MICAL3: variants seen among roughly 807,000 people sequenced by gnomAD.
MICAL3 encodes the protein [F-actin]-monooxygenase MICAL3.
MICAL3 carries 62 observed loss-of-function variants against 207.4 expected under a neutral mutation model. The ratio of observed to expected loss-of-function variants is 0.30; its 90% CI spans 0.24 to 0.37. MICAL3 has a LOEUF of 0.37. Among genes scored for constraint, MICAL3 ranks in the 10% least tolerant of loss-of-function variants. The pLI is 1.00. For synonymous variants in MICAL3, 1,077 were observed against 1,069.3 expected (o/e 1.01, Z -0.14); for missense variants, 2,368 against 2,635.6 (o/e 0.90, Z 2.22).
intron 1 of MICAL3, among the ~76,000 whole-genome samples, chr22:17,985,218 G>A (rs1190924623): frequency 6.6e-6 from 1 of 151,550 alleles, no homozygotes; most frequent in East Asian, 1.9e-4. Flanking sequence ...AGGAAGGTCC[G>A]GCCAGGGAGG....
rs2068524531 is a variant in MICAL3, at chr22:17,879,602, A to AC, written c.2241+6275dup. ...GGCCGACTTTCTGCACAGCCATTCC[A>AC]CCCCCCACTGGCCTCCGACGAGGCC... On this transcript the variant is annotated intron_variant, in intron 16 of 31. Transcript: ENST00000441493. 2.7e-5 allele frequency among the ~76,000 whole-genome samples: 4 copies of AC among 150,810 alleles called. No homozygotes were observed. In the South Asian group the frequency reaches 8.5e-4, roughly 32 times the overall value.
At chr22:17,863,101 C>A in intron 19 of MICAL3, 1 of 985,390 alleles carries the variant, frequency 1.0e-6, no homozygotes, top group Non-Finnish European at 1.2e-6. Context: ...AAGCGTAATT[C>A]TTTAGAACTC....
In MICAL3 at chr22:17,891,584, G is replaced by A. The variant is rs1387404142; in HGVS notation, c.1595C>T (p.Thr532Ile). The A allele has an allele frequency of 6.2e-7, 1 of 1,613,960 alleles. No individual in the cohort carries two copies. Among genetic ancestry groups the A allele is most frequent in the South Asian group, 1.1e-5 (1 of 91,076 alleles). Residue 532 changes from threonine to isoleucine, a missense_variant, in exon 12 of 32, where the codon ACA becomes ATA. By Grantham distance (89) the Thr-to-Ile change is moderately conservative (BLOSUM62 -1). Around this residue, in one of 4 missense-constraint regions of MICAL3, gnomAD observed 147 missense variants for 137.7 expected, o/e 1.07. Coordinates refer to ENST00000441493, the MANE Select transcript of MICAL3 (RefSeq NM_015241.3). ...SKLLGWCQRQ[T>I]DGYAGVNVTD... is the part of the protein sequence containing the mutation. Reference sequence around the variant, plus strand: ...CACGTTTACCCCTGCATAGCCATCTGTCTGCCTCTGGCACCAACCCAGCAG... The same window carrying A: ...CACGTTTACCCCTGCATAGCCATCTATCTGCCTCTGGCACCAACCCAGCAG...
intron 1 of MICAL3, among the ~76,000 whole-genome samples, chr22:17,935,549 C>T (rs9605437): frequency 0.23 from 34,939 of 152,090 alleles, 4,601 homozygotes; most frequent in East Asian, 0.52. Flanking sequence ...ACACCAAAAG[C>T]AATGGCAACA....
intron 1 of MICAL3, among the ~76,000 whole-genome samples, chr22:17,966,905 GAAGAAAAGT>G (rs1241916196): frequency 6.6e-6 from 1 of 152,234 alleles, no homozygotes; most frequent in Non-Finnish European, 1.5e-5. Context: ...CTAGACAAAG[GAAGAAAAGT>G]AAGAGGGAAT....
intron 1 of MICAL3, among the ~76,000 whole-genome samples, chr22:17,940,388 T>C (rs922950702): frequency 5.3e-5 from 8 of 151,928 alleles, no homozygotes; most frequent in East Asian, 3.9e-4. Context: ...CTGGGTGACA[T>C]AGTGTGACTC....
chr22:17,920,109 G>A (rs867153924), intron 1 of MICAL3, among the ~76,000 whole-genome samples: 63 of 152,372 alleles, frequency 4.1e-4, no homozygotes, highest in African/African-American at 1.4e-3. Context: ...GGGTTACTGC[G>A]CATTTCATAC....
chr22:17,941,917 T>C (rs1466280195), intron 1 of MICAL3, among the ~76,000 whole-genome samples: 1 of 152,170 alleles, frequency 6.6e-6, no homozygotes, highest in Non-Finnish European at 1.5e-5. Flanking sequence ...GGCCTGGGGC[T>C]GCAGCACAGG....
chr22:17,914,642 T>C (rs1459167283), intron 1 of MICAL3, among the ~76,000 whole-genome samples: 1 of 152,132 alleles, frequency 6.6e-6, no homozygotes, highest in African/African-American at 2.4e-5. Context: ...TTCAAGTAAA[T>C]TTAGCAAGGA....
At chr22:17,940,267 C>A (rs12628864) in intron 1 of MICAL3, among the ~76,000 whole-genome samples, 5 of 152,132 alleles carry the variant, frequency 3.3e-5, no homozygotes, top group African/African-American at 1.2e-4. Context: ...CTGCCAGGTG[C>A]GGTGGCATGC....
chr22:17,873,996 C>G, intron 16 of MICAL3, among the ~76,000 whole-genome samples: 1 of 152,200 alleles, frequency 6.6e-6, no homozygotes, highest in East Asian at 1.9e-4. Context: ...GCCAACAGCC[C>G]CCTTAGGACA....
In MICAL3 at chr22:17,904,745, G is replaced by C. The variant is rs764340842; in HGVS notation, c.359C>G (p.Ala120Gly). Reference sequence around the variant, plus strand: ...ATGCAAGACGTTGTTGCGGGAGAAGGCATCTCGTTTCTCAATAACAACCAC... The same window carrying C: ...ATGCAAGACGTTGTTGCGGGAGAAGCCATCTCGTTTCTCAATAACAACCAC... ...AKVVVIEKRD[A>G]FSRNNVLHLW... Residue 120 changes from alanine to glycine, a missense_variant, in exon 3 of 32, where the codon GCC (alanine) becomes GGC (glycine). Ala to Gly is a moderately conservative substitution (Grantham distance 60, BLOSUM62 0). Transcript: ENST00000441493. The C allele has an allele frequency of 1.9e-6, 3 of 1,613,784 alleles. No individual in the cohort carries two copies. Among genetic ancestry groups the C allele is most frequent in the East Asian group, 2.2e-5 (1 of 44,890 alleles).
chr22:17,893,566 C>T (rs573967225), intron 11 of MICAL3, among the ~76,000 whole-genome samples: 5 of 152,280 alleles, frequency 3.3e-5, no homozygotes, highest in South Asian at 4.1e-4. Context: ...AGGCCTGTCT[C>T]GTGCACTGCG....
intron 22 of MICAL3, among the ~76,000 whole-genome samples, chr22:17,823,704 A>C (rs1252739901): frequency 1.3e-5 from 2 of 152,252 alleles, no homozygotes; most frequent in African/African-American, 4.8e-5. Context: ...TCGTGTTTAG[A>C]CTTGTGTCCC....
chr22:17,815,399 G>A (rs555842561), intron 27 of MICAL3: 1 of 152,440 alleles, frequency 6.6e-6, no homozygotes, highest in South Asian at 2.1e-4. Flanking sequence ...TCACCACTGA[G>A]GCAGTGAGCT....
Position 17,790,782 on chromosome 22 carries a change from C to G in MICAL3, c.5959G>C (p.Asp1987His). 1.2e-6 allele frequency: 2 copies of G among 1,612,528 alleles called. No homozygotes were observed. The highest frequency in any genetic ancestry group is 1.7e-6 in the Non-Finnish European group (2 of 1,179,342). ...TTGGACAGCATGGCAGCCTCCAGGTCCTTGTCCTCCTCTCTCTCCCGGAGC... is the reference window on the plus strand; with the variant it reads ...TTGGACAGCATGGCAGCCTCCAGGTGCTTGTCCTCCTCTCTCTCCCGGAGC... ...QRLREREEDK[D>H]LEAAMLSKGF... Residue 1987 changes from aspartate to histidine, a missense_variant, in exon 32 of 32, where the codon GAC (aspartate) becomes CAC (histidine). Coordinates refer to ENST00000441493, the MANE Select transcript of MICAL3 (RefSeq NM_015241.3).
chr22:17,816,599 G>T, intron 27 of MICAL3, 91 bp downstream of exon 27: 1 of 1,020,004 alleles, frequency 9.8e-7, no homozygotes, highest in Non-Finnish European at 1.5e-6. Context: ...CCTGGCTTGC[G>T]GTTTGCTCTC....
chr22:17,915,560 A>C (rs995083727), intron 1 of MICAL3, among the ~76,000 whole-genome samples: 1 of 152,300 alleles, frequency 6.6e-6, no homozygotes, highest in Admixed American at 6.5e-5. Flanking sequence ...CGCTGGCCCA[A>C]AACACAGCTG....
chr22:17,884,569 C>G (rs1484492001), intron 16 of MICAL3, among the ~76,000 whole-genome samples: 1 of 152,160 alleles, frequency 6.6e-6, no homozygotes, highest in Non-Finnish European at 1.5e-5. Context: ...TGCAAAAGAA[C>G]AGAAAAAGGA....
Sources: allele counts gnomAD v4.1 joint callset (sites outside exome capture counted in the v4.1 genomes callset), GRCh38; gene constraint gnomAD v4.1.1; regional missense constraint gnomAD v4.1.1; transcripts MANE v1.5; gene names NCBI Gene and HGNC (gene_info 2026-07-23, HGNC 2026-07-21).